Variants in FGGY observed in about 807,000 individuals in gnomAD.
FGGY encodes FGGY carbohydrate kinase domain-containing protein.
FGGY carries 72 observed loss-of-function variants against 71.3 expected under a neutral mutation model. The observed-to-expected ratio is 1.01, with a 90% CI of 0.84 to 1.23. FGGY has a LOEUF of 1.23. Ranked by LOEUF, FGGY falls within the 50% of genes most tolerant of loss-of-function variation. FGGY has a pLI of 0.00. For synonymous variants in FGGY, 251 were observed against 250.3 expected (o/e 1.00, Z -0.02); for missense variants, 668 against 682.3 (o/e 0.98, Z 0.23).
At chr1:59,673,650 G>A in intron 13 of FGGY, 1 of 199,710 alleles carries the variant, frequency 5.0e-6, no homozygotes, top group Admixed American at 5.3e-5. Context: ...ATTTCCCTCT[G>A]AAACCTGAAT....
chr1:59,521,093 C>A (rs555342381), intron 7 of FGGY, among the ~76,000 whole-genome samples: 1 of 152,082 alleles, frequency 6.6e-6, no homozygotes, highest in Non-Finnish European at 1.5e-5. Flanking sequence ...AGGAGAAAAC[C>A]GTGCCAGTCC....
At chr1:59,330,582 A>G (rs961971787) in intron 2 of FGGY, among the ~76,000 whole-genome samples, 7 of 148,852 alleles carry the variant, frequency 4.7e-5, no homozygotes, top group African/African-American at 1.8e-4. Flanking sequence ...AAAAAAAAAA[A>G]GAAAAGAAAA....
chr1:59,340,248 G>T (rs1228229256), intron 3 of FGGY, among the ~76,000 whole-genome samples, 179 bp downstream of exon 3: 2 of 152,184 alleles, frequency 1.3e-5, no homozygotes. Flanking sequence ...TGGTATGAGT[G>T]GGGTGGTGTT....
At position 59,615,249 on chromosome 1, in the gene FGGY, ATAC is replaced by A. The variant is rs1489585982; in HGVS notation, c.1011+7343_1011+7345del. Reference sequence around the variant, plus strand: ...ACATCACGCTACCTGACTTCAAACTATACTACAAGGCTACAGCAACCAAAACAG... The same window carrying A: ...ACATCACGCTACCTGACTTCAAACTATACAAGGCTACAGCAACCAAAACAG... On this transcript the variant is annotated intron_variant, in intron 9 of 15. Transcript: ENST00000303721. Among the ~76,000 whole-genome samples, 5 of 152,352 alleles carry A rather than the reference ATAC, an allele frequency of 3.3e-5. No individual in the cohort carries two copies. The South Asian group carries it at 1.0e-3, about 32-fold the overall frequency.
At chr1:59,700,114 GACAA>G (rs1471522650) in intron 14 of FGGY, among the ~76,000 whole-genome samples, 1 of 152,132 alleles carries the variant, frequency 6.6e-6, no homozygotes, top group African/African-American at 2.4e-5. Flanking sequence ...TATAAAAACT[GACAA>G]ACAAGTCTTA....
At chr1:59,542,218 T>A (rs1369200449) in intron 7 of FGGY, among the ~76,000 whole-genome samples, 1 of 152,204 alleles carries the variant, frequency 6.6e-6, no homozygotes, top group Non-Finnish European at 1.5e-5. Flanking sequence ...GCCTCTGCCA[T>A]GTCGTTGGCT....
intron 2 of FGGY, chr1:59,331,789 T>C (rs1306484261): frequency 6.6e-6 from 1 of 152,194 alleles, no homozygotes; most frequent in Non-Finnish European, 1.5e-5. Flanking sequence ...GGGGCTTGAT[T>C]ATTTTCGCTA....
intron 5 of FGGY, among the ~76,000 whole-genome samples, chr1:59,384,542 G>C (rs1390777687): frequency 6.6e-6 from 1 of 152,124 alleles, no homozygotes; most frequent in Non-Finnish European, 1.5e-5. Context: ...TGCTGAGAAA[G>C]CTTTTTAAAG....
intron 14 of FGGY, among the ~76,000 whole-genome samples, chr1:59,718,022 T>G (rs949210819): frequency 6.6e-6 from 1 of 152,166 alleles, no homozygotes; most frequent in Non-Finnish European, 1.5e-5. Flanking sequence ...AACTACACTT[T>G]GAACCCATGC....
At chr1:59,679,768 A>G (rs892114374) in intron 14 of FGGY, among the ~76,000 whole-genome samples, 1 of 152,154 alleles carries the variant, frequency 6.6e-6, no homozygotes, top group Non-Finnish European at 1.5e-5. Flanking sequence ...ACTCAAAAAT[A>G]TGTAGTAAAC....
At chr1:59,555,862 G>A (rs1210721530) in intron 8 of FGGY, among the ~76,000 whole-genome samples, 14 of 152,130 alleles carry the variant, frequency 9.2e-5, no homozygotes, top group Non-Finnish European at 1.8e-4. Flanking sequence ...TTAGCCGGGC[G>A]TGGTGGCAGG....
intron 5 of FGGY, among the ~76,000 whole-genome samples, chr1:59,453,117 T>A (rs532294358): frequency 6.6e-6 from 1 of 152,356 alleles, no homozygotes; most frequent in East Asian, 1.9e-4. Context: ...GTGGCTTCAA[T>A]TGTACTCACT....
At chr1:59,629,913 T>C (rs755215376) in intron 10 of FGGY, among the ~76,000 whole-genome samples, 1 of 152,192 alleles carries the variant, frequency 6.6e-6, no homozygotes, top group Non-Finnish European at 1.5e-5. Flanking sequence ...ACAATAATGA[T>C]GATCACTACT....
intron 1 of FGGY, among the ~76,000 whole-genome samples, chr1:59,314,725 T>C (rs2045084488): frequency 6.6e-6 from 1 of 152,232 alleles, no homozygotes; most frequent in Non-Finnish European, 1.5e-5. Flanking sequence ...TATTTGTTAG[T>C]CCATTCTTCA....
chr1:59,640,283 A>G (rs961381174), intron 11 of FGGY, among the ~76,000 whole-genome samples: 14 of 152,130 alleles, frequency 9.2e-5, no homozygotes, highest in Non-Finnish European at 1.0e-4. Flanking sequence ...TGAGCTAAAC[A>G]CTTCACCCCA....
intron 14 of FGGY, among the ~76,000 whole-genome samples, chr1:59,722,866 G>C (rs2097909208): frequency 6.6e-6 from 1 of 152,098 alleles, no homozygotes; most frequent in African/African-American, 2.4e-5. Flanking sequence ...GCACGATCTT[G>C]GCTCACTGCA....
intron 2 of FGGY, among the ~76,000 whole-genome samples, chr1:59,338,097 A>T (rs2049966322): frequency 6.6e-6 from 1 of 152,052 alleles, no homozygotes; most frequent in South Asian, 2.1e-4. Flanking sequence ...TGAGATGATC[A>T]TTTGGTGTTT....
At chr1:59,596,681 C>T (rs2096528094) in intron 8 of FGGY, among the ~76,000 whole-genome samples, 3 of 152,084 alleles carry the variant, frequency 2.0e-5, no homozygotes, top group Non-Finnish European at 2.9e-5. Context: ...GATAGGTCAC[C>T]CTGCTGATTG....
chr1:59,740,693 T>C (rs1272721478), intron 14 of FGGY, among the ~76,000 whole-genome samples: 1 of 152,242 alleles, frequency 6.6e-6, no homozygotes, highest in Non-Finnish European at 1.5e-5. Flanking sequence ...GCCCACTTAT[T>C]ATCAGAGACT....
Sources: gnomAD v4.1 joint callset for allele counts (sites outside exome capture counted in the v4.1 genomes callset) on GRCh38, gnomAD v4.1.1 for gene constraint, MANE v1.5 for transcripts, NCBI Gene and HGNC (gene_info 2026-07-23, HGNC 2026-07-21) for gene names.